SYNPO: variants seen among roughly 807,000 people sequenced by gnomAD.
The protein encoded by SYNPO is synaptopodin.
A neutral mutation model predicts 49.5 loss-of-function variants in SYNPO; 19 were observed. That is an observed-to-expected ratio of 0.38 (90% CI 0.27 to 0.56). The LOEUF is 0.56. SYNPO is among the 20% of genes least tolerant of loss of function. The probability of loss-of-function intolerance (pLI) is 0.68; values close to 1 mark genes in which losing one functional copy is unlikely to be tolerated. For synonymous variants in SYNPO, 536 were observed against 548.0 expected (o/e 0.98, Z 0.31); for missense variants, 1,131 against 1,248.3 (o/e 0.91, Z 1.42).
At chr5:150,627,577 C>T (rs184453369) in intron 2 of SYNPO, among the ~76,000 whole-genome samples, 3 of 152,228 alleles carry the variant, frequency 2.0e-5, no homozygotes, top group East Asian at 3.9e-4. Context: ...AATAAATCAT[C>T]AAGATAATTT....
Position 150,648,442 on chromosome 5 carries a change from C to A in SYNPO, c.167C>A (p.Ala56Asp). The A allele has an allele frequency of 6.2e-7, 1 of 1,614,178 alleles. No homozygotes were observed. The highest frequency in any genetic ancestry group is 1.1e-5 in the South Asian group (1 of 91,088). Residue 56 changes from alanine (A) to aspartate (D), a missense_variant, in exon 2 of 3, where the codon GCC becomes GAC. Physicochemically the swap from Ala to Asp is moderately radical, Grantham distance 126. Around this residue, in one of 4 missense-constraint regions of SYNPO, gnomAD observed 602 missense variants for 720.7 expected, o/e 0.84. Transcript: ENST00000307662. This position sits in a 1 kb window ranked among gnomAD's most constrained non-coding sequence, Gnocchi z 5.0. ...CGAGAGGCCCAGCAGTCCTCACCGG[C>A]CCCACCTCCAGCTGAGGTCCACAGC... The part of the protein sequence containing the change: ...QNREAQQSSP[A>D]PPPAEVHSPA...
intron 2 of SYNPO, chr5:150,654,140 G>T (rs1011386407): frequency 3.9e-5 from 6 of 152,324 alleles, no homozygotes; most frequent in African/African-American, 1.2e-4. Flanking sequence ...TTTTGATCGG[G>T]TAGGAAGCAT....
chr5:150,602,997 G>GGTGTGTGTGT (rs3062133), intron 1 of SYNPO, among the ~76,000 whole-genome samples: 1,342 of 131,212 alleles, frequency 0.01, 16 homozygotes, highest in African/African-American at 0.025. Flanking sequence ...GCCACCTTAG[G>GGTGTGTGTGT]GTGTGTGTGT....
At chr5:150,605,846 G>A (rs914781016) in intron 1 of SYNPO, among the ~76,000 whole-genome samples, 3 of 149,750 alleles carry the variant, frequency 2.0e-5, no homozygotes, top group Non-Finnish European at 3.0e-5. Flanking sequence ...AGGCACAAAC[G>A]CACGACAGTC....
At chr5:150,624,788 C>T (rs1277385246) in intron 2 of SYNPO, 1 of 938,850 alleles carries the variant, frequency 1.1e-6, no homozygotes, top group Non-Finnish European at 1.3e-6. Context: ...GGCGCGGAGC[C>T]TGGGCCTGGC....
At chr5:150,612,060 G>A (rs2151354215) in intron 1 of SYNPO, among the ~76,000 whole-genome samples, 1 of 152,324 alleles carries the variant, frequency 6.6e-6, no homozygotes, top group East Asian at 1.9e-4. Flanking sequence ...CCCCAACCTT[G>A]GATCTCATCC....
At position 150,649,280 on chromosome 5, in the gene SYNPO, G is replaced by T; in HGVS notation, c.1005G>T (p.Arg335Ser). 6.2e-7 allele frequency: 1 copy of T among 1,614,172 alleles called. No homozygotes were observed. Among genetic ancestry groups the T allele is most frequent in the Non-Finnish European group, 8.5e-7 (1 of 1,180,030 alleles). ...CAGCCCCTCTGGCTTCCTGGGTGAG[G>T]TCTCCTCCCTCATATTCTGTCCTGT... is the stretch of plus-strand genomic sequence containing the variant. The part of the protein sequence containing the change: ...LSTAPLASWV[R>S]SPPSYSVLYP... The change falls in exon 2 of 3, where the codon AGG becomes AGT. Residue 335 changes from arginine (R) to serine (S), a missense_variant. Arg to Ser is a moderately radical substitution (Grantham distance 110). This residue lies in a region of SYNPO where 602 missense variants were observed against 720.7 expected (regional missense o/e 0.84). Transcript: ENST00000307662.
At chr5:150,596,389 G>C (rs1026433510), upstream of SYNPO, among the ~76,000 whole-genome samples, 1 of 152,126 alleles carries the variant, frequency 6.6e-6, no homozygotes, top group Non-Finnish European at 1.5e-5. Context: ...CACTAAGAAG[G>C]CTGGACTCAG....
chr5:150,632,392 G>A (rs1363573653), intron 2 of SYNPO, among the ~76,000 whole-genome samples: 2 of 152,154 alleles, frequency 1.3e-5, no homozygotes, highest in Non-Finnish European at 2.9e-5. Flanking sequence ...AAAATCTATA[G>A]CATATTTTTC....
intron 2 of SYNPO, among the ~76,000 whole-genome samples, chr5:150,625,060 A>C (rs1047597760): frequency 3.9e-5 from 6 of 152,104 alleles, no homozygotes; most frequent in Non-Finnish European, 8.8e-5. Flanking sequence ...TCGCTTCTAC[A>C]CTTTGGGCCT....
chr5:150,588,244 C>T, the SYNPO span, among the ~76,000 whole-genome samples: 3 of 152,168 alleles, frequency 2.0e-5, no homozygotes, highest in South Asian at 2.1e-4. Flanking sequence ...GCCTGGCCAC[C>T]GGCCATATCT....
intron 2 of SYNPO, among the ~76,000 whole-genome samples, chr5:150,632,032 C>A (rs1452772064): frequency 1.3e-5 from 2 of 152,204 alleles, no homozygotes; most frequent in Non-Finnish European, 2.9e-5. Context: ...CAGGCACCAA[C>A]CCCCAGCCAA....
intron 2 of SYNPO, among the ~76,000 whole-genome samples, chr5:150,631,757 T>C (rs905828646): frequency 2.0e-5 from 3 of 152,050 alleles, no homozygotes; most frequent in African/African-American, 7.2e-5. Flanking sequence ...GGTGGCTAAA[T>C]GCAGAGTCTG....
At position 150,650,238 on chromosome 5, in the gene SYNPO, T is replaced by G. The variant is rs1306836008; in HGVS notation, c.1963T>G (p.Ser655Ala). 1 of 1,613,862 alleles carries G rather than the reference T, an allele frequency of 6.2e-7. No homozygotes were observed. The highest frequency in any genetic ancestry group is 1.6e-4 in the Middle Eastern group (1 of 6,062). ...ISPVSPSRAW[S>A]PRAKQAPRPS... ...CCCCGTGTCTCCCTCCAGGGCGTGGTCTCCCCGAGCCAAGCAGGCCCCCAG... is the reference window on the plus strand; with the variant it reads ...CCCCGTGTCTCCCTCCAGGGCGTGGGCTCCCCGAGCCAAGCAGGCCCCCAG... The change falls in exon 2 of 3, where the codon TCT (serine) becomes GCT (alanine). Residue 655 changes from serine (S) to alanine (A), a missense_variant. Ser to Ala is a moderately conservative substitution (Grantham distance 99). This residue lies in a region of SYNPO where 509 missense variants were observed against 484.5 expected (regional missense o/e 1.05). Coordinates refer to ENST00000307662, the MANE Select transcript of SYNPO (RefSeq NM_007286.6).
Position 150,618,863 on chromosome 5 carries a change from C to T in SYNPO, c.400+96C>T. On this transcript the variant is annotated intron_variant, in intron 2 of 2. Transcript: ENST00000394243. ...CTCCTGACCATATTTTTCCATGATC[C>T]ACAGTAATTCATCACAGTCCCATGG... is the stretch of plus-strand genomic sequence containing the variant. 2.1e-6 allele frequency: 3 copies of T among 1,441,404 alleles called. No individual in the cohort carries two copies. The African/African-American group carries it at 4.2e-5, about 20-fold the overall frequency. 89.3% of individuals were successfully genotyped at this position (1,441,404 alleles called of 1,614,324 possible).
intron 2 of SYNPO, among the ~76,000 whole-genome samples, chr5:150,622,311 C>T (rs1757205691): frequency 6.6e-6 from 1 of 152,308 alleles, no homozygotes; most frequent in East Asian, 1.9e-4. Context: ...TGCTTTTAAC[C>T]ACCCTCTCTA....
At chr5:150,597,167 T>C (rs1385503300), upstream of SYNPO, among the ~76,000 whole-genome samples, 1 of 152,148 alleles carries the variant, frequency 6.6e-6, no homozygotes, top group Non-Finnish European at 1.5e-5. Context: ...CCTCTTACTC[T>C]GAGCCCATGC....
intron 2 of SYNPO, among the ~76,000 whole-genome samples, chr5:150,633,924 C>T (rs1757622502): frequency 6.6e-6 from 1 of 151,714 alleles, no homozygotes; most frequent in African/African-American, 2.4e-5. Context: ...GAGTTCAAGA[C>T]CAGCCTGGGA....
intron 2 of SYNPO, chr5:150,650,792 C>T (rs1022351770): frequency 3.1e-6 from 4 of 1,290,124 alleles, no homozygotes; most frequent in Non-Finnish European, 3.0e-6. Context: ...GGGGGGCCTC[C>T]CTCCTGAGGC....
Sources: allele counts gnomAD v4.1 joint callset (sites outside exome capture counted in the v4.1 genomes callset), GRCh38; gene constraint gnomAD v4.1.1; regional missense constraint gnomAD v4.1.1; non-coding constraint Gnocchi (gnomAD v3.1); transcripts MANE v1.5; gene names NCBI Gene and HGNC (gene_info 2026-07-23, HGNC 2026-07-21).